The following VPS13D variants were observed in gnomAD, a reference collection of about 807,000 sequenced individuals.
VPS13D encodes the protein vacuolar protein sorting 13 homolog D.
VPS13D carries 187 observed loss-of-function variants against 461.9 expected under a neutral mutation model. The observed-to-expected ratio is 0.40, with a 90% CI of 0.36 to 0.46. VPS13D has a LOEUF of 0.46. Among genes scored for constraint, VPS13D ranks in the 20% least tolerant of loss-of-function variants. The pLI is 0.60. For synonymous variants in VPS13D, 1,951 were observed against 1,986.3 expected, an observed-to-expected ratio of 0.98 and a Z score of 0.47; for missense variants, 4,711 against 5,364.9, an observed-to-expected ratio of 0.88 and a Z score of 3.81.
intron 25 of VPS13D, among the ~76,000 whole-genome samples, chr1:12,301,602 C>G (rs1199705262): frequency 1.3e-5 from 2 of 152,208 alleles, no homozygotes; most frequent in Non-Finnish European, 2.9e-5. Flanking sequence ...CTCTGGACCC[C>G]ATTGTTTAGG....
intron 2 of VPS13D, among the ~76,000 whole-genome samples, chr1:12,236,423 C>T (rs1163701484): frequency 6.6e-6 from 1 of 152,082 alleles, no homozygotes; most frequent in East Asian, 1.9e-4. Context: ...TTCTGTCACC[C>T]AGGCTGGAGT....
chr1:12,364,940 A>G (rs984328261), intron 52 of VPS13D, among the ~76,000 whole-genome samples: 5 of 152,108 alleles, frequency 3.3e-5, no homozygotes, highest in South Asian at 2.1e-4. Flanking sequence ...ATGTTTGTGT[A>G]TGGCATAAGG....
chr1:12,355,668 A>G (rs1423745635), intron 47 of VPS13D, among the ~76,000 whole-genome samples: 3 of 152,114 alleles, frequency 2.0e-5, no homozygotes, highest in Non-Finnish European at 4.4e-5. Context: ...GGGTTAGGAT[A>G]TCTAACCCAT....
chr1:12,346,759 T>C, intron 44 of VPS13D, 107 bp downstream of exon 44: 1 of 1,108,230 alleles, frequency 9.0e-7, no homozygotes, highest in Non-Finnish European at 1.3e-6. Context: ...ATGACATATA[T>C]GCGATTGAAA....
At chr1:12,364,990 T>A (rs916027467) in intron 52 of VPS13D, among the ~76,000 whole-genome samples, 4 of 152,166 alleles carry the variant, frequency 2.6e-5, no homozygotes, top group Middle Eastern at 3.2e-3. Flanking sequence ...GGATATTTGG[T>A]TTTCTCAGCA....
chr1:12,282,656 A>G lies in VPS13D; in HGVS notation c.4603-49A>G, dbSNP rs1349112288. On this transcript the variant is annotated intron_variant, in intron 20 of 69. Transcript: ENST00000620676. Reference sequence around the variant, plus strand: ...GTAGACATTTATGGGCATTACATCTACGTGCATTTAATAATAAGAGTAACT... The same window carrying G: ...GTAGACATTTATGGGCATTACATCTGCGTGCATTTAATAATAAGAGTAACT... The G allele has an allele frequency of 3.3e-6, 5 of 1,519,116 alleles. No individual in the cohort carries two copies. In the South Asian group the frequency reaches 5.0e-5, roughly 15 times the overall value. 94.1% of individuals were successfully genotyped at this position (1,519,116 alleles called of 1,614,324 possible).
At position 12,378,441 on chromosome 1, in the gene VPS13D, G is replaced by A. The variant is rs762058115; in HGVS notation, c.10931G>A (p.Arg3644His). 1.2e-6 allele frequency: 2 copies of A among 1,605,216 alleles called. No individual in the cohort carries two copies. The highest frequency in any genetic ancestry group is 8.5e-7 in the Non-Finnish European group (1 of 1,176,704). The change falls in exon 56 of 70, where the codon CGT (arginine) becomes CAT (histidine). Residue 3644 changes from arginine to histidine, a missense_variant. Arg to His is a conservative substitution (Grantham distance 29). This residue lies in a region of VPS13D where 4,411 missense variants were observed against 4,937.8 expected (regional missense o/e 0.89). Coordinates refer to ENST00000620676, the MANE Select transcript of VPS13D (RefSeq NM_015378.4). Reference sequence around the variant, plus strand: ...CCTACTTAACAGGAACCAGGAAAGCGTTCTCAGCTGTGGAGGATGACAGGA... The same window carrying A: ...CCTACTTAACAGGAACCAGGAAAGCATTCTCAGCTGTGGAGGATGACAGGA... The part of the protein sequence containing the change: ...VILKKKEPGK[R>H]SQLWRMTGTG...
chr1:12,368,657 C>T, intron 53 of VPS13D, 66 bp downstream of exon 53: 6 of 1,543,562 alleles, frequency 3.9e-6, no homozygotes, highest in Non-Finnish European at 4.4e-6. Flanking sequence ...GTGTACTGCC[C>T]TTGACACAAT....
intron 2 of VPS13D, among the ~76,000 whole-genome samples, 178 bp downstream of exon 2, chr1:12,234,541 T>C (rs866237460): frequency 6.6e-5 from 10 of 152,202 alleles, no homozygotes; most frequent in Admixed American, 3.3e-4. Flanking sequence ...TATAGCTATA[T>C]TGTTGTAGAT....
chr1:12,237,033 G>A (rs1234692768), intron 2 of VPS13D, among the ~76,000 whole-genome samples: 1 of 151,952 alleles, frequency 6.6e-6, no homozygotes, highest in Non-Finnish European at 1.5e-5. Flanking sequence ...TTGGCTGATG[G>A]AGTGGACTTC....
chr1:12,287,918 A>G (rs1404175095), intron 21 of VPS13D, among the ~76,000 whole-genome samples: 1 of 152,210 alleles, frequency 6.6e-6, no homozygotes, highest in African/African-American at 2.4e-5. Flanking sequence ...TATAATATTA[A>G]TGATGAATGC....
intron 11 of VPS13D, 23 bp from the exon 12 acceptor site, chr1:12,260,925 C>G (rs1479816376): frequency 3.1e-6 from 5 of 1,614,118 alleles, no homozygotes; most frequent in African/African-American, 1.3e-5. Context: ...GTACTCATCT[C>G]TGCTCCTTTG....
At chr1:12,461,028 A>G (rs566384778) in intron 67 of VPS13D, among the ~76,000 whole-genome samples, 3 of 152,266 alleles carry the variant, frequency 2.0e-5, no homozygotes, top group South Asian at 2.1e-4. Flanking sequence ...GACAGCCCAT[A>G]TGGTTCCAAA....
At chr1:12,320,350 T>C (rs989637444) in intron 32 of VPS13D, among the ~76,000 whole-genome samples, 2 of 152,246 alleles carry the variant, frequency 1.3e-5, no homozygotes, top group African/African-American at 4.8e-5. Flanking sequence ...TGTTTGTACT[T>C]GACTCATCTC....
At chr1:12,312,055 T>TCC in intron 29 of VPS13D, 130 bp downstream of exon 29, 1 of 598,152 alleles carries the variant, frequency 1.7e-6, no homozygotes, top group Non-Finnish European at 2.7e-6. Context: ...GAGTGTCTTT[T>TCC]GGTTGATCTA....
chr1:12,450,077 C>T (rs1460430811), intron 65 of VPS13D, among the ~76,000 whole-genome samples: 13 of 152,036 alleles, frequency 8.6e-5, no homozygotes, highest in Admixed American at 3.3e-4. Context: ...GAGCTGTGAT[C>T]GCACCACTGC....
chr1:12,365,465 G>A (rs1644020860), intron 52 of VPS13D, among the ~76,000 whole-genome samples: 2 of 152,068 alleles, frequency 1.3e-5, no homozygotes, highest in Non-Finnish European at 1.5e-5. Flanking sequence ...CAGCACTTTC[G>A]GAGGCCTAGG....
intron 47 of VPS13D, among the ~76,000 whole-genome samples, chr1:12,355,268 A>G (rs1401918133): frequency 6.6e-6 from 1 of 152,212 alleles, no homozygotes. Flanking sequence ...ATTCATATAG[A>G]AGTACGGAGT....
intron 68 of VPS13D, among the ~76,000 whole-genome samples, chr1:12,503,889 G>C (rs1042487162): frequency 6.6e-6 from 1 of 152,206 alleles, no homozygotes; most frequent in East Asian, 1.9e-4. Context: ...GGAACCTCAA[G>C]TGAGGCAAAG....
Sources: gnomAD v4.1 joint callset for allele counts (sites outside exome capture counted in the v4.1 genomes callset) on GRCh38, gnomAD v4.1.1 for gene constraint, gnomAD v4.1.1 regional missense constraint, MANE v1.5 for transcripts, NCBI Gene and HGNC (gene_info 2026-07-23, HGNC 2026-07-21) for gene names.